The following EXOC1 variants were observed in gnomAD, a reference collection of about 807,000 sequenced individuals.
EXOC1 encodes the protein exocyst complex component 1, also known as SEC3-like 1.
EXOC1 carries 67 observed loss-of-function variants against 107.7 expected under a neutral mutation model. The ratio of observed to expected loss-of-function variants is 0.62; its 90% CI spans 0.51 to 0.76. The LOEUF is 0.76. Among genes scored for constraint, EXOC1 ranks in the 30% least tolerant of loss-of-function variants. The pLI, the probability that EXOC1 is intolerant of heterozygous loss-of-function variation, is 0.00. For synonymous variants in EXOC1, 348 were observed against 353.5 expected (o/e 0.98, Z 0.17); for missense variants, 833 against 1,055.7 (o/e 0.79, Z 2.92).
intron 8 of EXOC1, chr4:55,876,817 C>G: frequency 3.0e-6 from 3 of 984,196 alleles, no homozygotes; most frequent in Non-Finnish European, 3.6e-6. Flanking sequence ...GTCCTTTTTT[C>G]TTTTTAATTT....
In EXOC1 at chr4:55,888,092, T is replaced by C. The variant is rs1335892342; in HGVS notation, c.1331-796T>C. 3.9e-5 allele frequency among the ~76,000 whole-genome samples: 6 copies of C among 152,364 alleles called. No individual in the cohort carries two copies. The East Asian group carries it at 1.2e-3, about 29-fold the overall frequency. On this transcript the variant is annotated intron_variant, in intron 10 of 18. Transcript: ENST00000381295. Reference sequence around the variant, plus strand: ...ACATTCTGTTTCATCCTATGATCTTTCTTCACCTTTCACATCAACTTCTAA... The same window carrying C: ...ACATTCTGTTTCATCCTATGATCTTCCTTCACCTTTCACATCAACTTCTAA...
intron 1 of EXOC1, among the ~76,000 whole-genome samples, chr4:55,856,422 T>C (rs1720976273): frequency 6.6e-6 from 1 of 152,124 alleles, no homozygotes; most frequent in South Asian, 2.1e-4. Context: ...GAGGCTGAGA[T>C]GAAGTGGAAG....
At chr4:55,876,755 A>T (rs1722935409) in intron 8 of EXOC1, 1 of 985,232 alleles carries the variant, frequency 1.0e-6, no homozygotes, top group African/African-American at 1.7e-5. Context: ...GATGAATCTG[A>T]GAAGTGTATT....
rs1721181353 is a variant in EXOC1 at position 55,858,333 on chromosome 4, A to C, written c.10A>C (p.Ile4Leu). The change falls in exon 2 of 19, where the codon ATC (isoleucine) becomes CTC (leucine). Residue 4 changes from isoleucine (I) to leucine (L), a missense_variant. Around this residue, in one of 2 missense-constraint regions of EXOC1, gnomAD observed 617 missense variants for 701.3 expected, o/e 0.88. Coordinates refer to ENST00000381295, the MANE Select transcript of EXOC1 (RefSeq NM_001024924.2). ...TTTCAGCTGAGAAAAGATGACAGCA[A>C]TCAAGCATGCATTACAAAGAGACAT... is the stretch of plus-strand genomic sequence containing the variant. MTA[I>L]KHALQRDIFT... 6.2e-7 allele frequency: 1 copy of C among 1,606,166 alleles called. No homozygotes were observed. The highest frequency in any genetic ancestry group is 8.5e-7 in the Non-Finnish European group (1 of 1,176,750).
chr4:55,883,671 G>T, intron 9 of EXOC1, 152 bp from the exon 10 acceptor site: 1 of 490,850 alleles, frequency 2.0e-6, no homozygotes, highest in South Asian at 3.9e-5. Context: ...TGTTTTTTAA[G>T]ACAGAAAGTA....
Position 55,891,438 on chromosome 4 carries a change from T to G in EXOC1, c.1647+16T>G. ...TGGAACTATGGTATGGCTCACAGTG[T>G]ATTTTGGATAGTATTTATGATCTGT... On this transcript the variant is annotated intron_variant, in intron 13 of 18. Coordinates refer to ENST00000381295, the MANE Select transcript of EXOC1 (RefSeq NM_001024924.2). 6.7e-7 allele frequency: 1 copy of G among 1,484,288 alleles called. No individual in the cohort carries two copies. The highest frequency in any genetic ancestry group is 9.4e-7 in the Non-Finnish European group (1 of 1,062,234). The allele number at this position is 1,484,288 out of a possible 1,614,324, so 91.9% of individuals were successfully genotyped here.
chr4:55,881,879 A>G (rs17086109), intron 9 of EXOC1, among the ~76,000 whole-genome samples: 5,634 of 152,248 alleles, frequency 0.037, 350 homozygotes, highest in African/African-American at 0.13. Context: ...TTGTATAAAG[A>G]AAAAGTAAAC....
Position 55,870,806 on chromosome 4 carries a change from T to G in EXOC1, c.732T>G (p.Ser244Arg). ...GCAGTTATGAGGAAATGCTCCAAAG[T>G]GTAAAAGAACAAATGGATCAGATCT... ...KLSSYEEMLQ[S>R]VKEQMDQISE... Residue 244 changes from serine to arginine, a missense_variant, in exon 6 of 19, where the codon AGT becomes AGG. Ser to Arg is a moderately radical substitution (Grantham distance 110). Around this residue, in one of 2 missense-constraint regions of EXOC1, gnomAD observed 617 missense variants for 701.3 expected, o/e 0.88. Coordinates refer to ENST00000381295, the MANE Select transcript of EXOC1 (RefSeq NM_001024924.2). The G allele has an allele frequency of 6.2e-7, 1 of 1,613,838 alleles. No homozygotes were observed. Among genetic ancestry groups the G allele is most frequent in the Non-Finnish European group, 8.5e-7 (1 of 1,179,902 alleles).
chr4:55,872,532 T>C (rs1168639943), intron 8 of EXOC1, among the ~76,000 whole-genome samples: 2 of 152,048 alleles, frequency 1.3e-5, no homozygotes, highest in Non-Finnish European at 2.9e-5. Flanking sequence ...TTTGAGGGAT[T>C]TGAATAAAAG....
At chr4:55,882,978 G>A (rs1723548845) in intron 9 of EXOC1, 1 of 152,094 alleles carries the variant, frequency 6.6e-6, no homozygotes, top group South Asian at 2.1e-4. Context: ...GTCTCCCACT[G>A]TTGAGGAACT....
In EXOC1 at chr4:55,864,138, A is replaced by G. The variant is rs73238374; in HGVS notation, c.256-89A>G. On this transcript the variant is annotated intron_variant, in intron 3 of 18. Coordinates refer to ENST00000381295, the MANE Select transcript of EXOC1 (RefSeq NM_001024924.2). ...GATTTTTAATACTCTTCATTTTCCA[A>G]AAACAGCGTAAATGCCTATGCAGAT... is the stretch of plus-strand genomic sequence containing the variant. 0.14 allele frequency: 115,789 copies of G among 836,242 alleles called. 10,246 individuals carry two copies. The highest frequency in any genetic ancestry group is 0.44 in the East Asian group (15,096 of 33,986). 51.8% of individuals were successfully genotyped at this position (836,242 alleles called of 1,614,324 possible). A position where few individuals can be genotyped will look rare whatever the true frequency, so the allele number is the denominator to read the frequency against.
chr4:55,858,378 C>G lies in EXOC1; in HGVS notation c.55C>G (p.Arg19Gly). The change falls in exon 2 of 19, where the codon CGC (arginine) becomes GGC (glycine). Residue 19 changes from arginine (R) to glycine (G), a missense_variant. Arg to Gly is a moderately radical substitution (Grantham distance 125). Around this residue, in one of 2 missense-constraint regions of EXOC1, gnomAD observed 617 missense variants for 701.3 expected, o/e 0.88. Transcript: ENST00000381295. ...AGACATTTTTACACCAAATGATGAA[C>G]GCCTGCTGAGCATTGTGAATGTCTG... ...QRDIFTPNDERLLSIVNVCKA... is the reference protein window; with the variant it reads ...QRDIFTPNDEGLLSIVNVCKA... 1 of 1,610,278 alleles carries G rather than the reference C, an allele frequency of 6.2e-7. No homozygotes were observed. The highest frequency in any genetic ancestry group is 8.5e-7 in the Non-Finnish European group (1 of 1,178,332).
In EXOC1 at chr4:55,904,479, T is replaced by A; in HGVS notation, c.2669T>A (p.Ile890Asn). 6.2e-7 allele frequency: 1 copy of A among 1,612,194 alleles called. No homozygotes were observed. ...GACATTCTGGATTATTGTTCCAGCA[T>A]TGCACAGTCCCACTAAACCTTGTGA... ...IQDILDYCSS[I>N]AQSH The change falls in exon 19 of 19, where the codon ATT becomes AAT. Residue 890 changes from isoleucine (I) to asparagine (N), a missense_variant. Physicochemically the swap from Ile to Asn is moderately radical, Grantham distance 149. This residue lies in a region of EXOC1 where 216 missense variants were observed against 354.4 expected (regional missense o/e 0.61). Transcript: ENST00000381295.
chr4:55,862,836 A>T (rs776371106), intron 3 of EXOC1, among the ~76,000 whole-genome samples: 5 of 152,200 alleles, frequency 3.3e-5, no homozygotes, highest in Non-Finnish European at 7.3e-5. Flanking sequence ...AACATTAAGA[A>T]TATTTGAGCC....
At position 55,860,639 on chromosome 4, in the gene EXOC1, A is replaced by G. The variant is rs1721389127; in HGVS notation, c.255+98A>G. The G allele has an allele frequency of 4.3e-6, 6 of 1,399,678 alleles. No individual in the cohort carries two copies. In the Admixed American group the frequency reaches 9.1e-5, roughly 21 times the overall value. 86.7% of individuals were successfully genotyped at this position (1,399,678 alleles called of 1,614,324 possible). The stretch of plus-strand genomic sequence containing the variant: ...TAAAATGATCTAAAAACAAATTAAT[A>G]TATATGTTTGTTTTCTTATTTTTTT... On this transcript the variant is annotated intron_variant, in intron 3 of 18. Coordinates refer to ENST00000381295, the MANE Select transcript of EXOC1 (RefSeq NM_001024924.2).
chr4:55,899,182 A>G (rs1014460240), intron 16 of EXOC1, among the ~76,000 whole-genome samples: 3 of 151,984 alleles, frequency 2.0e-5, no homozygotes, highest in Admixed American at 2.0e-4. Flanking sequence ...TTTATCTCCA[A>G]TTTATTTATC....
intron 4 of EXOC1, among the ~76,000 whole-genome samples, chr4:55,867,207 T>C (rs572282243): frequency 2.2e-4 from 33 of 152,308 alleles, no homozygotes; most frequent in Non-Finnish European, 4.1e-4. Context: ...GTTGAACTTT[T>C]TCGCAGTGAA....
chr4:55,890,286 A>G lies in EXOC1; in HGVS notation c.1439A>G (p.Gln480Arg). The G allele has an allele frequency of 1.9e-6, 3 of 1,614,098 alleles. No homozygotes were observed. The highest frequency in any genetic ancestry group is 2.5e-6 in the Non-Finnish European group (3 of 1,179,960). Residue 480 changes from glutamine (Q) to arginine (R), a missense_variant, in exon 12 of 19, where the codon CAG becomes CGG. Transcript: ENST00000381295. ...TCTAGTCTAAATAAGCTCAGTGTTC[A>G]GAGTTCAGGGAATCGCAGATCTCAG... ...STSSLNKLSVQSSGNRRSQSS... is the reference protein window; with the variant it reads ...STSSLNKLSVRSSGNRRSQSS...
At chr4:55,863,152 G>T (rs1032214405) in intron 3 of EXOC1, among the ~76,000 whole-genome samples, 1 of 151,960 alleles carries the variant, frequency 6.6e-6, no homozygotes, top group African/African-American at 2.4e-5. Context: ...TACCCACCTC[G>T]GCCTCCCAAA....
Sources: allele counts gnomAD v4.1 joint callset (sites outside exome capture counted in the v4.1 genomes callset), GRCh38; gene constraint gnomAD v4.1.1; regional missense constraint gnomAD v4.1.1; transcripts MANE v1.5; gene names NCBI Gene and HGNC (gene_info 2026-07-23, HGNC 2026-07-21).